TMPRSS3: variants seen among roughly 807,000 people sequenced by gnomAD.
TMPRSS3 encodes the protein transmembrane protease serine 3.
In TMPRSS3, 55 loss-of-function variants were observed where a neutral mutation model predicts 59.6. The observed-to-expected ratio is 0.92, with a 90% confidence interval of 0.74 to 1.16. TMPRSS3 has a LOEUF of 1.16. Ranked by LOEUF, TMPRSS3 falls within the 50% of genes most tolerant of loss-of-function variation. The pLI is 0.00. For missense variants in TMPRSS3, 596 were observed against 579.4 expected, an observed-to-expected ratio of 1.03 and a Z score of -0.29; for synonymous variants, 257 against 237.7, an observed-to-expected ratio of 1.08 and a Z score of -0.75.
intron 5 of TMPRSS3, among the ~76,000 whole-genome samples, chr21:42,387,108 C>T (rs2052647509): frequency 6.6e-6 from 1 of 151,768 alleles, no homozygotes; most frequent in African/African-American, 2.4e-5. Flanking sequence ...CCATGAGTGG[C>T]CTCTACCTGA....
At chr21:42,376,781 C>T (rs891408559) in intron 10 of TMPRSS3, 98 bp from the exon 11 acceptor site, 55 of 1,568,532 alleles carry the variant, frequency 3.5e-5, no homozygotes, top group Non-Finnish European at 4.5e-5. Context: ...GAACGAGGGA[C>T]GAGGGGGATG....
In TMPRSS3 at chr21:42,383,068, G is replaced by T. The variant is rs2052561061; in HGVS notation, c.747C>A (p.Pro249=). Residue 249 remains proline (P), a synonymous_variant, in exon 8 of 13, where the codon CCC becomes CCA. Coordinates refer to ENST00000644384, the MANE Select transcript of TMPRSS3 (RefSeq NM_001256317.3). The part of the protein sequence containing the change: ...YHLCGGSVIT[P]LWIITAAHCV... Reference sequence around the variant, plus strand: ...AGTGTGCAGCAGTGATGATCCACAGGGGCGTGATGACAGAGCCCCCGCACA... The same window carrying T: ...AGTGTGCAGCAGTGATGATCCACAGTGGCGTGATGACAGAGCCCCCGCACA... 6.2e-7 allele frequency: 1 copy of T among 1,614,028 alleles called. No individual in the cohort carries two copies. Among genetic ancestry groups the T allele is most frequent in the African/African-American group, 1.3e-5 (1 of 74,920 alleles).
chr21:42,389,606 T>C (rs372019004), intron 3 of TMPRSS3, among the ~76,000 whole-genome samples: 23 of 152,244 alleles, frequency 1.5e-4, no homozygotes, highest in Non-Finnish European at 3.4e-4. Flanking sequence ...ATAGGTCTCT[T>C]TGTCTTCTCC....
intron 9 of TMPRSS3, among the ~76,000 whole-genome samples, chr21:42,380,433 G>A (rs910526498): frequency 3.3e-5 from 5 of 152,272 alleles, no homozygotes; most frequent in Admixed American, 3.3e-4. Flanking sequence ...CACCGTCGCA[G>A]CGTGAGGGAA....
In TMPRSS3 at chr21:42,372,239, G is replaced by C. The variant is rs1204109210; in HGVS notation, c.*523C>G. 2 of 443,466 alleles carry C rather than the reference G, an allele frequency of 4.5e-6. No individual in the cohort carries two copies. The highest frequency in any genetic ancestry group is 4.0e-5 in the African/African-American group (2 of 49,526). The allele number at this position is 443,466 out of a possible 1,614,324, so 27.5% of individuals were successfully genotyped here. A position where few individuals can be genotyped will look rare whatever the true frequency, so the allele number is the denominator to read the frequency against. On this transcript the variant is annotated 3_prime_UTR_variant, in exon 13 of 13. Transcript: ENST00000644384. ...GGAAAGGCCGCCCTTGCAAGTTGCT[G>C]CTTCTTTTGTTCTTAGTGAAGATCA... is the stretch of plus-strand genomic sequence containing the variant.
chr21:42,375,233 C>A (rs893382153), intron 12 of TMPRSS3, among the ~76,000 whole-genome samples: 1 of 144,068 alleles, frequency 6.9e-6, no homozygotes, highest in Admixed American at 6.9e-5. Flanking sequence ...GACCCCCCAC[C>A]CCCCCACACC....
Position 42,375,798 on chromosome 21 carries a change from C to T in TMPRSS3, c.1262G>A (p.Gly421Asp), listed in dbSNP as rs1160061420. 2 of 1,613,902 alleles carry T rather than the reference C, an allele frequency of 1.2e-6. No individual in the cohort carries two copies. The highest frequency in any genetic ancestry group is 1.7e-5 in the Admixed American group (1 of 60,024). Residue 421 changes from glycine to aspartate, a missense_variant, in exon 12 of 13, where the codon GGC (glycine) becomes GAC (aspartate). Gly to Asp is a moderately conservative substitution (Grantham distance 94). Transcript: ENST00000644384. ...LWKLVGATSF[G>D]IGCAEVNKPG... ...CTTGTTCACCTCTGCGCAGCCGATG[C>T]CAAAGCTGGTCGCTCCCACTAACTT...
chr21:42,380,324 A>G, intron 9 of TMPRSS3, 112 bp from the exon 10 acceptor site: 1 of 871,522 alleles, frequency 1.1e-6, no homozygotes, highest in East Asian at 2.6e-5. Flanking sequence ...AAGGGAAGGA[A>G]GGTCAAGCCC....
chr21:42,395,655 G>T, intron 1 of TMPRSS3, 187 bp from the exon 2 acceptor site: 1 of 295,924 alleles, frequency 3.4e-6, no homozygotes, highest in East Asian at 7.2e-5. Context: ...TAACAGAAAA[G>T]CTTCTAGAAT....
At chr21:42,381,896 T>C in intron 9 of TMPRSS3, 169 bp downstream of exon 9, 1 of 861,982 alleles carries the variant, frequency 1.2e-6, no homozygotes, top group Non-Finnish European at 1.9e-6. Flanking sequence ...ACAATTTTAA[T>C]GAGAAAAGAT....
Position 42,372,425 on chromosome 21 carries a change from T to A in TMPRSS3, c.*337A>T. ...AAATACAAAAATTAGTTGGGTGTGG[T>A]GGCGGGCACCTGTGGTCCCAGCTAC... On this transcript the variant is annotated 3_prime_UTR_variant, in exon 13 of 13. Coordinates refer to ENST00000644384, the MANE Select transcript of TMPRSS3 (RefSeq NM_001256317.3). The A allele has an allele frequency of 2.0e-6, 1 of 511,164 alleles. No homozygotes were observed. Among genetic ancestry groups the A allele is most frequent in the Non-Finnish European group, 3.8e-6 (1 of 265,108 alleles). 31.7% of individuals were successfully genotyped at this position (511,164 alleles called of 1,614,324 possible). A position where few individuals can be genotyped will look rare whatever the true frequency, so the allele number is the denominator to read the frequency against.
At chr21:42,379,982 AGCTGACAT>A in intron 10 of TMPRSS3, 127 bp downstream of exon 10, 1 of 733,892 alleles carries the variant, frequency 1.4e-6, no homozygotes, top group Non-Finnish European at 2.4e-6. Context: ...TGTCCCGAGC[AGCTGACAT>A]GCACTCCCTG....
At chr21:42,381,977 A>C in intron 9 of TMPRSS3, 88 bp downstream of exon 9, 1 of 1,484,022 alleles carries the variant, frequency 6.7e-7, no homozygotes, top group Non-Finnish European at 9.4e-7. Context: ...ATTATAAAGC[A>C]GCCATCATAA....
chr21:42,385,548 G>T lies in TMPRSS3; in HGVS notation c.447-14C>A, dbSNP rs751489939. The stretch of plus-strand genomic sequence containing the variant: ...GAACTCACATAGCTGCAAGCACATT[G>T]GAAAGACAGACCCGACGTGGTAACT... On this transcript the variant is annotated splice_polypyrimidine_tract_variant and intron_variant, in intron 5 of 12. Coordinates refer to ENST00000644384, the MANE Select transcript of TMPRSS3 (RefSeq NM_001256317.3). 5.6e-6 allele frequency: 9 copies of T among 1,613,896 alleles called. No individual in the cohort carries two copies. Among genetic ancestry groups the T allele is most frequent in the Non-Finnish European group, 7.6e-6 (9 of 1,179,876 alleles).
chr21:42,380,018 G>T (rs1450584021), intron 10 of TMPRSS3, 99 bp downstream of exon 10: 1 of 998,384 alleles, frequency 1.0e-6, no homozygotes, highest in Non-Finnish European at 1.6e-6. Context: ...TATCTGGGCA[G>T]CCCATGGGAA....
rs1339604428 is a variant in TMPRSS3, at chr21:42,395,465, C to A, written c.-48G>T. 1 of 1,486,802 alleles carries A rather than the reference C, an allele frequency of 6.7e-7. No homozygotes were observed. Among genetic ancestry groups the A allele is most frequent in the South Asian group, 1.1e-5 (1 of 88,112 alleles). The allele number at this position is 1,486,802 out of a possible 1,614,324, so 92.1% of individuals were successfully genotyped here. On this transcript the variant is annotated 5_prime_UTR_variant, in exon 2 of 13. Transcript: ENST00000644384. ...ACATCCGGCTCCGCCTCCACCTCTA[C>A]CTCCTTAGCCGAGGAAGAACAGAAA... is the stretch of plus-strand genomic sequence containing the variant.
At position 42,394,416 on chromosome 21, in the gene TMPRSS3, G is replaced by A. The variant is rs557206925; in HGVS notation, c.94+908C>T. On this transcript the variant is annotated intron_variant, in intron 2 of 12. Coordinates refer to ENST00000644384, the MANE Select transcript of TMPRSS3 (RefSeq NM_001256317.3). ...GTACTGTGCATGAAACCACACATAC[G>A]GGCAAAAGCAGGAAGAGACTTTGCA... Among the ~76,000 whole-genome samples the A allele has an allele frequency of 4.3e-4, 65 of 152,174 alleles. 2 individuals are homozygous for A. The South Asian group carries it at 0.012, about 29-fold the overall frequency.
intron 5 of TMPRSS3, among the ~76,000 whole-genome samples, chr21:42,387,852 A>T (rs755944611): frequency 2.6e-5 from 4 of 152,244 alleles, no homozygotes; most frequent in Non-Finnish European, 5.9e-5. Context: ...CTCCAATGCA[A>T]AAAATCATGT....
Position 42,376,804 on chromosome 21 carries a change from T to A in TMPRSS3, c.1049-121A>T, listed in dbSNP as rs1078272. The A allele has an allele frequency of 0.47, 692,878 of 1,469,264 alleles. 171,255 individuals carry two copies. The highest frequency in any genetic ancestry group is 0.87 in the African/African-American group (62,634 of 72,302). The allele number at this position is 1,469,264 out of a possible 1,614,324, so 91.0% of individuals were successfully genotyped here. Reference sequence around the variant, plus strand: ...GACGAGGGGGATGCTCTCTGGTGTGTCGCAACAGCGGAAAAGGACAGGGCC... The same window carrying A: ...GACGAGGGGGATGCTCTCTGGTGTGACGCAACAGCGGAAAAGGACAGGGCC... On this transcript the variant is annotated intron_variant, in intron 10 of 12. Coordinates refer to ENST00000644384, the MANE Select transcript of TMPRSS3 (RefSeq NM_001256317.3).
Sources: allele counts gnomAD v4.1 joint callset (sites outside exome capture counted in the v4.1 genomes callset), GRCh38; gene constraint gnomAD v4.1.1; transcripts MANE v1.5; gene names NCBI Gene and HGNC (gene_info 2026-07-23, HGNC 2026-07-21).